TENM3: variants seen among roughly 807,000 people sequenced by gnomAD.
TENM3 encodes teneurin-3.
In TENM3, 63 loss-of-function variants were observed where a neutral mutation model predicts 255.1. The observed-to-expected ratio is 0.25, with a 90% CI of 0.20 to 0.30. The LOEUF is 0.30. Among genes scored for constraint, TENM3 ranks in the 10% least tolerant of loss-of-function variants. The pLI, the probability that TENM3 is intolerant of heterozygous loss-of-function variation, is 1.00. For synonymous variants in TENM3, 1,306 were observed against 1,322.3 expected (o/e 0.99, Z 0.27); for missense variants, 2,929 against 3,461.1 (o/e 0.85, Z 3.86).
chr4:182,630,956 A>G (rs1315320439), intron 5 of TENM3, among the ~76,000 whole-genome samples: 1 of 152,128 alleles, frequency 6.6e-6, no homozygotes, highest in Non-Finnish European at 1.5e-5. Flanking sequence ...CTAGCAGGAA[A>G]AAATAGCATT....
intron 3 of TENM3, among the ~76,000 whole-genome samples, chr4:182,569,281 G>A (rs550063459): frequency 2.0e-5 from 3 of 152,120 alleles, no homozygotes; most frequent in Non-Finnish European, 4.4e-5. Context: ...CAGGCCAGGC[G>A]CAGTGGCTCA....
chr4:181,661,892 G>T, the TENM3 span, among the ~76,000 whole-genome samples: 1,242 of 136,446 alleles, frequency 9.1e-3, 17 homozygotes, highest in African/African-American at 0.032. Context: ...GTGAGATAAG[G>T]ACTGGCAGTT....
chr4:181,540,725 C>T, the TENM3 span, among the ~76,000 whole-genome samples: 1,288 of 152,232 alleles, frequency 8.5e-3, 15 homozygotes, highest in African/African-American at 0.03. Context: ...GCTCCTCAAA[C>T]CTGCCAAGGT....
rs535629360 is a variant in TENM3, at chr4:182,733,863, T to C, written c.2967+2724T>C. Among the ~76,000 whole-genome samples the C allele has an allele frequency of 2.0e-4, 30 of 152,318 alleles. No homozygotes were observed. The South Asian group carries it at 5.6e-3, about 28-fold the overall frequency. ...TCGTAGTCAGTCCTAAAATAGACTTTACCTAGAGTCAGTATCTGTCTGTAG... is the reference window on the plus strand; with the variant it reads ...TCGTAGTCAGTCCTAAAATAGACTTCACCTAGAGTCAGTATCTGTCTGTAG... On this transcript the variant is annotated intron_variant, in intron 16 of 27. Coordinates refer to ENST00000511685, the MANE Select transcript of TENM3 (RefSeq NM_001080477.4).
At chr4:181,557,511 C>G in the TENM3 span, among the ~76,000 whole-genome samples, 6 of 152,066 alleles carry the variant, frequency 3.9e-5, no homozygotes, top group Admixed American at 2.0e-4. Context: ...AAAGTACACA[C>G]GTCTCCATAT....
chr4:182,279,014 G>A (rs1055227986), intron 1 of TENM3, among the ~76,000 whole-genome samples: 5 of 152,216 alleles, frequency 3.3e-5, no homozygotes, highest in African/African-American at 7.2e-5. Context: ...CCAGGTCGGG[G>A]CAGGGGCCGC....
the TENM3 span, among the ~76,000 whole-genome samples, chr4:181,449,600 G>A: frequency 6.6e-6 from 1 of 152,018 alleles, no homozygotes; most frequent in Non-Finnish European, 1.5e-5. Flanking sequence ...CCTGGCCAAT[G>A]TAGTGAAACC....
the TENM3 span, among the ~76,000 whole-genome samples, chr4:181,968,535 C>T: frequency 9.9e-5 from 15 of 152,072 alleles, no homozygotes; most frequent in African/African-American, 3.6e-4. Context: ...CAGCGTTTTC[C>T]TCTTGACTCA....
intron 3 of TENM3, among the ~76,000 whole-genome samples, chr4:182,519,672 A>T (rs748415922): frequency 1.6e-4 from 25 of 152,202 alleles, no homozygotes; most frequent in Non-Finnish European, 2.9e-4. Context: ...AGCACAGTAC[A>T]TCTCTTCAAA....
At chr4:181,471,196 A>G in the TENM3 span, among the ~76,000 whole-genome samples, 1 of 152,166 alleles carries the variant, frequency 6.6e-6, no homozygotes, top group Non-Finnish European at 1.5e-5. Context: ...TTTCAAGGAA[A>G]AAGAGGGGAA....
chr4:181,518,038 G>GAA, the TENM3 span, among the ~76,000 whole-genome samples: 4 of 151,698 alleles, frequency 2.6e-5, no homozygotes, highest in South Asian at 6.3e-4. Context: ...TTCATCAAGG[G>GAA]AAAAAAAATA....
chr4:181,635,809 AGCATAG>A, the TENM3 span, among the ~76,000 whole-genome samples: 1 of 152,150 alleles, frequency 6.6e-6, no homozygotes, highest in Admixed American at 6.5e-5. Flanking sequence ...GCACAGTAAT[AGCATAG>A]GCTTCTGGAG....
At chr4:182,703,407 C>G (rs969628476) in intron 12 of TENM3, among the ~76,000 whole-genome samples, 2 of 152,210 alleles carry the variant, frequency 1.3e-5, no homozygotes, top group Non-Finnish European at 2.9e-5. Context: ...ACTCTACCCA[C>G]TTCCTTTCAA....
intron 3 of TENM3, among the ~76,000 whole-genome samples, chr4:182,564,074 G>T (rs2151984073): frequency 6.6e-6 from 1 of 152,236 alleles, no homozygotes; most frequent in Admixed American, 6.5e-5. Context: ...GTTGGAAAGA[G>T]CCTCAAATGC....
chr4:181,480,036 A>G, the TENM3 span, among the ~76,000 whole-genome samples: 1 of 152,174 alleles, frequency 6.6e-6, no homozygotes, highest in Non-Finnish European at 1.5e-5. Flanking sequence ...AGTACAAATC[A>G]TCATACAAAT....
At chr4:182,037,162 T>TTTTTTTTTTTTTTGTG in the TENM3 span, among the ~76,000 whole-genome samples, 1 of 151,948 alleles carries the variant, frequency 6.6e-6, no homozygotes, top group Admixed American at 6.6e-5. Flanking sequence ...TTTTTTTTTT[T>TTTTTTTTTTTTTTGTG]TGTGACACGG....
chr4:181,946,509 C>T, the TENM3 span, among the ~76,000 whole-genome samples: 1 of 152,136 alleles, frequency 6.6e-6, no homozygotes, highest in Non-Finnish European at 1.5e-5. Context: ...GCTAATTTGT[C>T]CAAACCTCTC....
At chr4:182,350,901 T>A (rs1765126986) in intron 3 of TENM3, among the ~76,000 whole-genome samples, 1 of 151,998 alleles carries the variant, frequency 6.6e-6, no homozygotes, top group African/African-American at 2.4e-5. Flanking sequence ...GCCAGGATGG[T>A]CTCAATCTCT....
intron 12 of TENM3, chr4:182,711,487 A>G (rs1163274086): frequency 7.5e-6 from 3 of 398,738 alleles, no homozygotes; most frequent in East Asian, 1.6e-4. Context: ...AAGCTACTCA[A>G]TTTGCATGTA....
Sources: gnomAD v4.1 joint callset for allele counts (sites outside exome capture counted in the v4.1 genomes callset) on GRCh38, gnomAD v4.1.1 for gene constraint, MANE v1.5 for transcripts, NCBI Gene and HGNC (gene_info 2026-07-23, HGNC 2026-07-21) for gene names.